WASF3: variants seen among roughly 807,000 people sequenced by gnomAD.
The protein encoded by WASF3 is actin-binding protein WASF3.
In WASF3, 11 loss-of-function variants were observed where a neutral mutation model predicts 46.6. The ratio of observed to expected loss-of-function variants is 0.24; its 90% CI spans 0.15 to 0.39. The LOEUF (loss-of-function observed/expected upper bound fraction) is 0.39, where lower values mean the gene tolerates loss of function less well. WASF3 is among the 10% of genes least tolerant of loss of function. The probability of loss-of-function intolerance (pLI) is 1.00; values close to 1 mark genes in which losing one functional copy is unlikely to be tolerated. For missense variants in WASF3, 576 were observed against 669.8 expected, an observed-to-expected ratio of 0.86 and a Z score of 1.55; for synonymous variants, 242 against 259.7, an observed-to-expected ratio of 0.93 and a Z score of 0.65.
Position 26,642,413 on chromosome 13 carries a change from C to CT in WASF3, c.133+16dup, listed in dbSNP as rs745613473. On this transcript the variant is annotated intron_variant, in intron 3 of 9. Transcript: ENST00000335327. Reference sequence around the variant, plus strand: ...CAGCTGAGCAGTCTGAGTAAGCCATCTTTTTTCTGATTACCAATGACATTA... The same window carrying CT: ...CAGCTGAGCAGTCTGAGTAAGCCATCTTTTTTTCTGATTACCAATGACATTA... 12 of 1,569,902 alleles carry CT rather than the reference C, an allele frequency of 7.6e-6. No homozygotes were observed. The highest frequency in any genetic ancestry group is 8.6e-6 in the Non-Finnish European group (10 of 1,165,440).
chr13:26,577,409 G>A (rs1879834119), intron 1 of WASF3: 2 of 778,040 alleles, frequency 2.6e-6, no homozygotes, highest in African/African-American at 3.4e-5. Flanking sequence ...GACCCGGGAG[G>A]TGCAGAAAAA....
intron 3 of WASF3, among the ~76,000 whole-genome samples, chr13:26,662,739 G>T (rs1882665238): frequency 6.6e-6 from 1 of 152,166 alleles, no homozygotes; most frequent in Admixed American, 6.5e-5. Flanking sequence ...TCCCCAAACT[G>T]CAGTCACTCA....
chr13:26,633,073 A>G (rs1881701836), intron 2 of WASF3, among the ~76,000 whole-genome samples: 1 of 150,730 alleles, frequency 6.6e-6, no homozygotes, highest in South Asian at 2.1e-4. Context: ...TTTCTTCTTT[A>G]TTAGTCTTGC....
intron 2 of WASF3, among the ~76,000 whole-genome samples, chr13:26,625,901 G>A (rs998984342): frequency 1.6e-4 from 24 of 152,166 alleles, no homozygotes; most frequent in Admixed American, 1.6e-3. Context: ...TATGAAAAAC[G>A]TAAAAAGAAT....
intron 1 of WASF3, among the ~76,000 whole-genome samples, chr13:26,595,552 C>G (rs1880434989): frequency 6.6e-6 from 1 of 152,046 alleles, no homozygotes; most frequent in Non-Finnish European, 1.5e-5. Context: ...GTGTAAAGTT[C>G]TCTGCAGTTT....
intron 7 of WASF3, among the ~76,000 whole-genome samples, chr13:26,677,987 G>A (rs1036711411): frequency 3.3e-5 from 5 of 152,122 alleles, no homozygotes; most frequent in African/African-American, 1.2e-4. Context: ...TCAGTTGAAT[G>A]ATACTCCTTC....
chr13:26,636,984 T>G (rs1010926953), intron 2 of WASF3, among the ~76,000 whole-genome samples: 3 of 152,200 alleles, frequency 2.0e-5, no homozygotes, highest in Non-Finnish European at 4.4e-5. Flanking sequence ...CCCTGAATCT[T>G]CACAGGGCTT....
At chr13:26,588,275 A>C (rs1880188166) in intron 1 of WASF3, among the ~76,000 whole-genome samples, 1 of 152,214 alleles carries the variant, frequency 6.6e-6, no homozygotes, top group African/African-American at 2.4e-5. Flanking sequence ...GGTTTATTGA[A>C]TCCTCAAATG....
chr13:26,632,348 C>T (rs1039934017), intron 2 of WASF3, among the ~76,000 whole-genome samples: 5 of 152,178 alleles, frequency 3.3e-5, no homozygotes, highest in African/African-American at 1.2e-4. Flanking sequence ...TACGTTTCAT[C>T]AATACCTAGT....
intron 3 of WASF3, among the ~76,000 whole-genome samples, chr13:26,647,931 A>G (rs894472713): frequency 4.6e-5 from 7 of 152,168 alleles, no homozygotes; most frequent in South Asian, 2.1e-4. Flanking sequence ...ATATGGTTTT[A>G]TAGCCCATAC....
At chr13:26,620,922 C>T (rs1331013) in intron 2 of WASF3, among the ~76,000 whole-genome samples, 40,593 of 151,994 alleles carry the variant, frequency 0.27, 5,912 homozygotes, top group Non-Finnish European at 0.34. Flanking sequence ...ACAAAGTTGC[C>T]TTTTTCTGGG....
the WASF3 span, among the ~76,000 whole-genome samples, chr13:26,539,336 C>T: frequency 8.6e-5 from 13 of 151,868 alleles, no homozygotes; most frequent in Non-Finnish European, 1.5e-4. Flanking sequence ...ATGCAGGATC[C>T]GGTGGAAAAA....
At chr13:26,556,228 G>A (rs540884794), upstream of WASF3, among the ~76,000 whole-genome samples, 90 of 152,300 alleles carry the variant, frequency 5.9e-4, no homozygotes, top group African/African-American at 2.1e-3. Context: ...TGGGGTCACC[G>A]AAGAGGGAAG....
intron 1 of WASF3, among the ~76,000 whole-genome samples, chr13:26,566,552 G>A (rs1019838131): frequency 6.6e-6 from 1 of 152,212 alleles, no homozygotes; most frequent in African/African-American, 2.4e-5. Context: ...TCACCTATGT[G>A]GAAGCTTATG....
intron 3 of WASF3, among the ~76,000 whole-genome samples, chr13:26,658,542 C>T (rs1882533388): frequency 6.6e-6 from 1 of 152,212 alleles, no homozygotes; most frequent in Non-Finnish European, 1.5e-5. Flanking sequence ...TAAGACACCC[C>T]AAGGCATAGA....
chr13:26,616,453 G>T (rs937481203), intron 2 of WASF3, among the ~76,000 whole-genome samples: 2 of 151,888 alleles, frequency 1.3e-5, no homozygotes, highest in Non-Finnish European at 2.9e-5. Context: ...TAAGAAATTG[G>T]GTACTTTATT....
At chr13:26,645,499 GTTTA>G (rs1295809500) in intron 3 of WASF3, among the ~76,000 whole-genome samples, 4 of 151,934 alleles carry the variant, frequency 2.6e-5, no homozygotes, top group Admixed American at 2.0e-4. Flanking sequence ...GTTTATTAGT[GTTTA>G]TTCATTCATT....
At chr13:26,637,953 T>C (rs1881879225) in intron 2 of WASF3, among the ~76,000 whole-genome samples, 1 of 152,150 alleles carries the variant, frequency 6.6e-6, no homozygotes, top group Non-Finnish European at 1.5e-5. Context: ...TGATTAAGGA[T>C]ATCACCTATG....
At chr13:26,627,902 A>G (rs976671537) in intron 2 of WASF3, among the ~76,000 whole-genome samples, 38 of 147,726 alleles carry the variant, frequency 2.6e-4, no homozygotes, top group Non-Finnish European at 3.6e-4. Flanking sequence ...AGAAAAAAAA[A>G]CCCTAAAAAT....
Sources: gnomAD v4.1 joint callset for allele counts (sites outside exome capture counted in the v4.1 genomes callset) on GRCh38, gnomAD v4.1.1 for gene constraint, MANE v1.5 for transcripts, NCBI Gene and HGNC (gene_info 2026-07-23, HGNC 2026-07-21) for gene names.